Variants in GLIS3 observed in about 807,000 individuals in gnomAD.
GLIS3 encodes zinc finger protein GLIS3.
In GLIS3, 53 loss-of-function variants were observed where a neutral mutation model predicts 78.6. The observed-to-expected ratio is 0.67, with a 90% CI of 0.54 to 0.85. The LOEUF is 0.85. Ranked by LOEUF, GLIS3 falls within the 40% of genes least tolerant of loss-of-function variation. The pLI is 0.00. For synonymous variants in GLIS3, 684 were observed against 509.9 expected, an observed-to-expected ratio of 1.34 and a Z score of -4.60; for missense variants, 1,703 against 1,231.1, an observed-to-expected ratio of 1.38 and a Z score of -5.74.
chr9:4,443,940 C>G, the GLIS3 span, among the ~76,000 whole-genome samples: 2 of 152,116 alleles, frequency 1.3e-5, no homozygotes, highest in Admixed American at 6.6e-5. Flanking sequence ...TATCTACTGG[C>G]CTGGTGTAGA....
At chr9:3,840,305 A>G (rs1038040051) in intron 9 of GLIS3, among the ~76,000 whole-genome samples, 4 of 152,144 alleles carry the variant, frequency 2.6e-5, no homozygotes, top group African/African-American at 9.7e-5. Context: ...TAAAAGTGAA[A>G]TTGCCACAAT....
intron 2 of GLIS3, among the ~76,000 whole-genome samples, chr9:4,257,666 C>T (rs981381099): frequency 4.0e-5 from 6 of 151,826 alleles, no homozygotes; most frequent in South Asian, 2.1e-4. Context: ...CTCCGCCTCC[C>T]GGGTTCAGGC....
chr9:4,376,698 T>A, the GLIS3 span, among the ~76,000 whole-genome samples: 1 of 131,872 alleles, frequency 7.6e-6, no homozygotes, highest in Non-Finnish European at 1.7e-5. Context: ...CAACCTATTG[T>A]AATCAAATAA....
chr9:4,489,545 G>C, the GLIS3 span, among the ~76,000 whole-genome samples: 3 of 152,226 alleles, frequency 2.0e-5, no homozygotes, highest in South Asian at 4.2e-4. Flanking sequence ...GATTGTATAC[G>C]TGAGAGTGAA....
intron 4 of GLIS3, among the ~76,000 whole-genome samples, chr9:3,950,704 CG>C (rs1816619789): frequency 6.6e-6 from 1 of 152,224 alleles, no homozygotes; most frequent in African/African-American, 2.4e-5. Context: ...CCTCATGGAA[CG>C]TGAGTCCGCT....
At chr9:4,402,604 A>C in the GLIS3 span, among the ~76,000 whole-genome samples, 2 of 152,240 alleles carry the variant, frequency 1.3e-5, no homozygotes, top group East Asian at 3.8e-4. Context: ...GAATTCTATC[A>C]GATAAATTTA....
chr9:4,234,061 A>G (rs1028686209), intron 2 of GLIS3, among the ~76,000 whole-genome samples: 13 of 152,196 alleles, frequency 8.5e-5, no homozygotes, highest in African/African-American at 2.7e-4. Flanking sequence ...ATTAGGCTTT[A>G]GCTTGAGGGA....
At chr9:3,970,482 A>G (rs1051136501) in intron 4 of GLIS3, among the ~76,000 whole-genome samples, 1 of 152,196 alleles carries the variant, frequency 6.6e-6, no homozygotes, top group South Asian at 2.1e-4. Flanking sequence ...TTATTTTGTC[A>G]ACCTAAAAGT....
chr9:4,126,995 T>A (rs1423728865), intron 2 of GLIS3, among the ~76,000 whole-genome samples: 1 of 152,206 alleles, frequency 6.6e-6, no homozygotes, highest in Admixed American at 6.5e-5. Flanking sequence ...CTATTTTGTT[T>A]TCCCCAAAAT....
At chr9:4,459,851 G>A in the GLIS3 span, among the ~76,000 whole-genome samples, 6 of 152,148 alleles carry the variant, frequency 3.9e-5, no homozygotes, top group African/African-American at 1.4e-4. Flanking sequence ...GAAAGTGGAG[G>A]AGGAAGTGAT....
At chr9:3,994,160 G>T (rs907427808) in intron 4 of GLIS3, among the ~76,000 whole-genome samples, 16 of 152,116 alleles carry the variant, frequency 1.1e-4, no homozygotes, top group African/African-American at 3.9e-4. Context: ...TTATACTCTG[G>T]TTTCTCTTCG....
chr9:4,264,701 C>A (rs761417293), intron 2 of GLIS3, among the ~76,000 whole-genome samples: 1 of 152,166 alleles, frequency 6.6e-6, no homozygotes, highest in Non-Finnish European at 1.5e-5. Flanking sequence ...CCTCATCCCT[C>A]TGAAACCCAT....
chr9:4,358,881 G>T, the GLIS3 span, among the ~76,000 whole-genome samples: 1 of 152,106 alleles, frequency 6.6e-6, no homozygotes, highest in Non-Finnish European at 1.5e-5. Flanking sequence ...AGTCAGTGTG[G>T]GCTACCACTG....
intron 2 of GLIS3, among the ~76,000 whole-genome samples, chr9:4,195,571 G>A (rs375073725): frequency 3.3e-5 from 5 of 152,330 alleles, no homozygotes; most frequent in African/African-American, 9.6e-5. Flanking sequence ...CGCCATGCCC[G>A]AGCTCCCCTC....
At chr9:4,372,881 C>A in the GLIS3 span, among the ~76,000 whole-genome samples, 1 of 152,204 alleles carries the variant, frequency 6.6e-6, no homozygotes, top group Non-Finnish European at 1.5e-5. Context: ...AGGGACTCCA[C>A]CATTCTTCCC....
chr9:4,343,201 G>A (rs202167104), intron 2 of GLIS3, among the ~76,000 whole-genome samples: 1 of 152,050 alleles, frequency 6.6e-6, no homozygotes, highest in Non-Finnish European at 1.5e-5. Context: ...AATTAGTCAG[G>A]CACGGTGGCA....
At chr9:4,203,206 C>A (rs947556652) in intron 2 of GLIS3, among the ~76,000 whole-genome samples, 1 of 151,996 alleles carries the variant, frequency 6.6e-6, no homozygotes, top group African/African-American at 2.4e-5. Flanking sequence ...TACAAGTGGC[C>A]AACAGACATG....
At position 3,824,621 on chromosome 9, in the gene GLIS3, T is replaced by C. The variant is rs1303776110; in HGVS notation, c.*3651A>G. 3 of 152,544 alleles carry C rather than the reference T, an allele frequency of 2.0e-5. No homozygotes were observed. Among genetic ancestry groups the C allele is most frequent in the African/African-American group, 7.2e-5 (3 of 41,442 alleles). The allele number at this position is 152,544 out of a possible 1,614,324, so 9.4% of individuals were successfully genotyped here. A position where few individuals can be genotyped will look rare whatever the true frequency, so the allele number is the denominator to read the frequency against. ...CAAATCACAAAACTATACATATTAA[T>C]AGAAAAAAGTGTACCTAATTCTTTA... On this transcript the variant is annotated 3_prime_UTR_variant, in exon 11 of 11. Transcript: ENST00000381971.
intron 2 of GLIS3, among the ~76,000 whole-genome samples, chr9:4,212,448 A>G (rs1180336539): frequency 1.3e-5 from 2 of 152,222 alleles, no homozygotes; most frequent in African/African-American, 4.8e-5. Flanking sequence ...AATAGGAAAC[A>G]AGGCAAATGT....
Sources: allele counts gnomAD v4.1 joint callset (sites outside exome capture counted in the v4.1 genomes callset), GRCh38; gene constraint gnomAD v4.1.1; transcripts MANE v1.5; gene names NCBI Gene and HGNC (gene_info 2026-07-23, HGNC 2026-07-21).